Variants in ACO1 observed in about 807,000 individuals in gnomAD.
ACO1 encodes aconitase 1.
Under a neutral mutation model 105.1 loss-of-function variants are expected in ACO1, and 78 were observed. That is an observed-to-expected ratio of 0.74 (90% CI 0.62 to 0.90). The LOEUF (loss-of-function observed/expected upper bound fraction) is 0.90. Ranked by LOEUF, ACO1 falls within the 40% of genes least tolerant of loss-of-function variation. ACO1 has a pLI of 0.00. For synonymous variants in ACO1, 364 were observed against 397.4 expected, an observed-to-expected ratio of 0.92 and a Z score of 1.00; for missense variants, 965 against 1,111.1, an observed-to-expected ratio of 0.87 and a Z score of 1.87.
chr9:32,398,582 TTTTTGTTTGTTTGTTTTG>T (rs1431054646), intron 1 of ACO1, among the ~76,000 whole-genome samples: 5 of 151,872 alleles, frequency 3.3e-5, no homozygotes, highest in Non-Finnish European at 5.9e-5. Context: ...TCTTTGTTTT[TTTTTGTTTGTTTGTTTTG>T]TTTTGTTTTT....
chr9:32,410,982 A>T (rs1446431127), intron 4 of ACO1, among the ~76,000 whole-genome samples: 1 of 152,158 alleles, frequency 6.6e-6, no homozygotes, highest in Non-Finnish European at 1.5e-5. Flanking sequence ...TTGGGGTCCA[A>T]GCTAAAGGAG....
At chr9:32,444,178 C>A (rs553715494) in intron 19 of ACO1, among the ~76,000 whole-genome samples, 1 of 152,268 alleles carries the variant, frequency 6.6e-6, no homozygotes, top group Non-Finnish European at 1.5e-5. Context: ...GCATAGTATT[C>A]CATGGTGTAT....
At position 32,436,765 on chromosome 9, in the gene ACO1, A is replaced by G. The variant is rs557411289; in HGVS notation, c.2247+368A>G. ...TAATTTAATTCATCTAATCCACATG[A>G]AAAGAAGGAGTAGAGAGGTGCTTGG... On this transcript the variant is annotated intron_variant, in intron 18 of 20. Coordinates refer to ENST00000309951, the MANE Select transcript of ACO1 (RefSeq NM_002197.3). Among the ~76,000 whole-genome samples, 12 of 152,346 alleles carry G rather than the reference A, an allele frequency of 7.9e-5. No individual in the cohort carries two copies. In the East Asian group the frequency reaches 2.1e-3, roughly 27 times the overall value.
intron 7 of ACO1, 69 bp downstream of exon 7, chr9:32,419,246 A>G (rs1342672988): frequency 2.8e-6 from 4 of 1,432,272 alleles, no homozygotes; most frequent in Non-Finnish European, 3.7e-6. Flanking sequence ...GAGGGAATAC[A>G]TAATGGAATC....
At chr9:32,415,779 C>G (rs542283686) in intron 4 of ACO1, among the ~76,000 whole-genome samples, 35 of 152,300 alleles carry the variant, frequency 2.3e-4, no homozygotes, top group African/African-American at 8.4e-4. Context: ...GACACTCATT[C>G]ACTCAGGCAG....
rs2118602540 is a variant in ACO1, at chr9:32,452,606, T to A, written c.*2495T>A. The A allele has an allele frequency of 6.6e-6, 1 of 152,176 alleles. No homozygotes were observed. The allele number at this position is 152,176 out of a possible 1,614,324, so 9.4% of individuals were successfully genotyped here. A position where few individuals can be genotyped will look rare whatever the true frequency, so the allele number is the denominator to read the frequency against. ...CTGTGGTTATGAGGAAACAAACACA[T>A]TATTGTGGCTAGACTAATGGAATTG... On this transcript the variant is annotated 3_prime_UTR_variant, in exon 21 of 21. Coordinates refer to ENST00000309951, the MANE Select transcript of ACO1 (RefSeq NM_002197.3).
chr9:32,410,278 G>A lies in ACO1; in HGVS notation c.404+1627G>A, dbSNP rs111966132. 1.6e-3 allele frequency among the ~76,000 whole-genome samples: 239 copies of A among 152,288 alleles called. 3 individuals are homozygous for A. The highest frequency in any genetic ancestry group is 5.6e-3 in the African/African-American group (232 of 41,554). ...GCCTATAAGAGTAGAGTACCTGATG[G>A]CCGGGCGTGGTGGCTCACGCCTGTA... On this transcript the variant is annotated intron_variant, in intron 4 of 20. Transcript: ENST00000309951.
chr9:32,414,514 G>A (rs1821808135), intron 4 of ACO1, among the ~76,000 whole-genome samples: 1 of 152,192 alleles, frequency 6.6e-6, no homozygotes, highest in Non-Finnish European at 1.5e-5. Flanking sequence ...TGGAATTACT[G>A]TATCATGAAA....
intron 7 of ACO1, among the ~76,000 whole-genome samples, chr9:32,420,601 G>A (rs929329847): frequency 6.6e-6 from 1 of 152,148 alleles, no homozygotes; most frequent in Non-Finnish European, 1.5e-5. Flanking sequence ...ACATTGGTGT[G>A]GTACTCTTAA....
intron 19 of ACO1, among the ~76,000 whole-genome samples, chr9:32,444,221 T>C (rs1822548292): frequency 1.3e-5 from 2 of 152,238 alleles, no homozygotes; most frequent in African/African-American, 4.8e-5. Context: ...AGTCTATCAA[T>C]CATTGATGGG....
chr9:32,391,236 G>A (rs557135844), intron 1 of ACO1, among the ~76,000 whole-genome samples: 17 of 152,292 alleles, frequency 1.1e-4, no homozygotes, highest in African/African-American at 3.6e-4. Context: ...AGTAAACTAA[G>A]GTTTAAGAAT....
chr9:32,432,033 T>G (rs1822251004), intron 15 of ACO1, among the ~76,000 whole-genome samples, 190 bp downstream of exon 15: 1 of 151,852 alleles, frequency 6.6e-6, no homozygotes, highest in Non-Finnish European at 1.5e-5. Flanking sequence ...AAACCCCACC[T>G]CCCCCAGATG....
intron 4 of ACO1, among the ~76,000 whole-genome samples, chr9:32,409,438 G>A (rs1563933206): frequency 6.6e-6 from 1 of 152,176 alleles, no homozygotes; most frequent in Non-Finnish European, 1.5e-5. Context: ...ACACCTAATG[G>A]TCTATGACAC....
chr9:32,443,129 A>C (rs866957094), intron 19 of ACO1, among the ~76,000 whole-genome samples: 1 of 152,178 alleles, frequency 6.6e-6, no homozygotes, highest in African/African-American at 2.4e-5. Flanking sequence ...CAGACCAGTA[A>C]ATAGACAATT....
rs1270628433 is a variant in ACO1 at position 32,436,390 on chromosome 9, G to C, written c.2240G>C (p.Gly747Ala). Reference protein sequence around the residue: ...QAPQTIHLPSGEILDVFDAAE... With the variant: ...QAPQTIHLPSAEILDVFDAAE... ...CCACAGACTATCCATCTGCCTTCTG[G>C]GGAAATCGTGAGTATTGTCTTCTGC... Residue 747 changes from glycine (G) to alanine (A), a missense_variant, in exon 18 of 21, where the codon GGG becomes GCG. Gly to Ala is a moderately conservative substitution (Grantham distance 60). Coordinates refer to ENST00000309951, the MANE Select transcript of ACO1 (RefSeq NM_002197.3). The C allele has an allele frequency of 6.2e-7, 1 of 1,613,846 alleles. No individual in the cohort carries two copies. Among genetic ancestry groups the C allele is most frequent in the African/African-American group, 1.3e-5 (1 of 74,898 alleles).
Position 32,417,597 on chromosome 9 carries a change from A to T in ACO1, c.405-531A>T, listed in dbSNP as rs368053398. 3.3e-5 allele frequency among the ~76,000 whole-genome samples: 5 copies of T among 152,356 alleles called. No individual in the cohort carries two copies. The East Asian group carries it at 7.7e-4, about 23-fold the overall frequency. On this transcript the variant is annotated intron_variant, in intron 4 of 20. Transcript: ENST00000309951. Reference sequence around the variant, plus strand: ...AATCTGTGGTTCACAGATGTTATCAAGTGACACCATCTTCCTCATAAACCT... The same window carrying T: ...AATCTGTGGTTCACAGATGTTATCATGTGACACCATCTTCCTCATAAACCT...
chr9:32,452,471 T>C lies in ACO1; in HGVS notation c.*2360T>C, dbSNP rs1410180825. On this transcript the variant is annotated 3_prime_UTR_variant, in exon 21 of 21. Transcript: ENST00000309951. The stretch of plus-strand genomic sequence containing the variant: ...AACCAGAAAGTGGGTTCTCACCAGA[T>C]ACTGAATCTGCCAGTGCCTTGAACC... The C allele has an allele frequency of 6.6e-6, 1 of 152,322 alleles. No homozygotes were observed. Among genetic ancestry groups the C allele is most frequent in the African/African-American group, 2.4e-5 (1 of 41,456 alleles). The allele number at this position is 152,322 out of a possible 1,614,324, so 9.4% of individuals were successfully genotyped here.
chr9:32,425,744 C>T (rs1822076123), intron 10 of ACO1, 94 bp from the exon 11 acceptor site: 2 of 835,776 alleles, frequency 2.4e-6, no homozygotes, highest in Non-Finnish European at 3.5e-6. Context: ...CAAGTGAGAA[C>T]TGTTGACTAT....
At chr9:32,430,285 G>A in intron 13 of ACO1, 133 bp from the exon 14 acceptor site, 1 of 844,532 alleles carries the variant, frequency 1.2e-6, no homozygotes, top group South Asian at 2.1e-5. Context: ...CTCCCCTCTA[G>A]TGGGAGAGAA....
Sources: allele counts gnomAD v4.1 joint callset (sites outside exome capture counted in the v4.1 genomes callset), GRCh38; gene constraint gnomAD v4.1.1; transcripts MANE v1.5; gene names NCBI Gene and HGNC (gene_info 2026-07-23, HGNC 2026-07-21).